ABCA12: variants seen among roughly 807,000 people sequenced by gnomAD.
The protein encoded by ABCA12 is glucosylceramide transporter ABCA12.
A neutral mutation model predicts 293.5 loss-of-function variants in ABCA12; 156 were observed. That is an observed-to-expected ratio of 0.53 (90% CI 0.47 to 0.61). The LOEUF (loss-of-function observed/expected upper bound fraction) is 0.61, where lower values mean the gene tolerates loss of function less well. Ranked by LOEUF, ABCA12 falls within the 20% of genes least tolerant of loss-of-function variation. ABCA12 has a pLI of 0.00. For synonymous variants in ABCA12, 1,063 were observed against 1,108.0 expected (o/e 0.96, Z 0.81); for missense variants, 2,797 against 3,090.2 (o/e 0.91, Z 2.25).
At chr2:215,096,259 T>C (rs978580362) in intron 2 of ABCA12, among the ~76,000 whole-genome samples, 2 of 152,198 alleles carry the variant, frequency 1.3e-5, no homozygotes, top group African/African-American at 4.8e-5. Context: ...TGCTATGAAG[T>C]AGGTTCTTTG....
At chr2:215,133,149 ATTTTTTTTTTTTTTTTTTTTTTTTT>A (rs55641331) in intron 1 of ABCA12, among the ~76,000 whole-genome samples, 2 of 34,832 alleles carry the variant, frequency 5.7e-5, no homozygotes, top group Admixed American at 5.3e-4. Context: ...GCTGGCTTTA[ATTTTTTTTTTTTTTTTTTTTTTTTT>A]TTTTTTTTTT....
chr2:215,000,424 A>G (rs1320547495), intron 22 of ABCA12, among the ~76,000 whole-genome samples: 1 of 152,164 alleles, frequency 6.6e-6, no homozygotes, highest in Non-Finnish European at 1.5e-5. Flanking sequence ...GCAGCAATGT[A>G]CTCAGGTCTG....
chr2:215,034,560 C>T (rs567882660), intron 8 of ABCA12, among the ~76,000 whole-genome samples: 2 of 152,284 alleles, frequency 1.3e-5, no homozygotes, highest in African/African-American at 2.4e-5. Flanking sequence ...CAGTGAGATA[C>T]CTCAGAAGCA....
At chr2:215,020,396 T>A (rs1170678840) in intron 11 of ABCA12, among the ~76,000 whole-genome samples, 1 of 152,126 alleles carries the variant, frequency 6.6e-6, no homozygotes, top group Non-Finnish European at 1.5e-5. Context: ...GATACTATGC[T>A]AAGTGAAATA....
rs368485068 is a variant in ABCA12, at chr2:214,935,784, G to A, written c.7543-1569C>T. Among the ~76,000 whole-genome samples, 36 of 152,154 alleles carry A rather than the reference G, an allele frequency of 2.4e-4. 1 individual carries two copies. The highest frequency in any genetic ancestry group is 9.8e-4 in the Admixed American group (15 of 15,272). ...TGCACTCCAGCCTGGGCAACATAGC[G>A]AGACTCTGTGTCTTAAAAAAAATTT... On this transcript the variant is annotated intron_variant, in intron 51 of 52. Transcript: ENST00000272895.
chr2:214,988,179 G>A lies in ABCA12; in HGVS notation c.3830-386C>T, dbSNP rs555309095. On this transcript the variant is annotated intron_variant, in intron 26 of 52. Transcript: ENST00000272895. ...CCCACAAGGGTCCAAACAGACATGTGTAGACATATTCATCTATGACCAAAA... is the reference window on the plus strand; with the variant it reads ...CCCACAAGGGTCCAAACAGACATGTATAGACATATTCATCTATGACCAAAA... 1.6e-4 allele frequency among the ~76,000 whole-genome samples: 25 copies of A among 152,128 alleles called. 1 individual carries two copies. Among genetic ancestry groups the A allele is most frequent in the Admixed American group, 1.6e-3 (24 of 15,272 alleles).
chr2:215,087,186 C>T (rs1702057718), intron 2 of ABCA12, among the ~76,000 whole-genome samples: 1 of 152,096 alleles, frequency 6.6e-6, no homozygotes, highest in Non-Finnish European at 1.5e-5. Flanking sequence ...AGGTGATGCA[C>T]CCACCTCGGC....
chr2:215,108,337 G>T (rs1559198686), intron 2 of ABCA12, among the ~76,000 whole-genome samples: 2 of 152,036 alleles, frequency 1.3e-5, no homozygotes, highest in South Asian at 4.1e-4. Flanking sequence ...GCAAAGCAGG[G>T]GTGCTTCCAA....
Position 214,932,315 on chromosome 2 carries a change from CTG to C in ABCA12, c.*317_*318del. 3.4e-6 allele frequency: 1 copy of C among 290,234 alleles called. No individual in the cohort carries two copies. Among genetic ancestry groups the C allele is most frequent in the Non-Finnish European group, 6.6e-6 (1 of 151,908 alleles). 18.0% of individuals were successfully genotyped at this position (290,234 alleles called of 1,614,324 possible). On this transcript the variant is annotated 3_prime_UTR_variant, in exon 53 of 53. Coordinates refer to ENST00000272895, the MANE Select transcript of ABCA12 (RefSeq NM_173076.3). ...ACTACCAAAATCCATGCCTTTTAAACTGTCTTTTTATTGAAAGTAATAAATTA... is the reference window on the plus strand; with the variant it reads ...ACTACCAAAATCCATGCCTTTTAAACTCTTTTTATTGAAAGTAATAAATTA...
intron 6 of ABCA12, 81 bp downstream of exon 6, chr2:215,049,545 G>C: frequency 2.2e-6 from 3 of 1,373,436 alleles, no homozygotes; most frequent in Non-Finnish European, 3.1e-6. Context: ...ATCCCAGTCA[G>C]CATTTCCCAG....
intron 1 of ABCA12, among the ~76,000 whole-genome samples, chr2:215,134,218 AT>A (rs1187758890): frequency 6.7e-6 from 1 of 149,702 alleles, no homozygotes; most frequent in Admixed American, 6.7e-5. Context: ...CTCATTTTCT[AT>A]TTTAGCATAT....
intron 1 of ABCA12, among the ~76,000 whole-genome samples, chr2:215,116,993 A>G (rs1168793725): frequency 3.3e-5 from 5 of 152,218 alleles, no homozygotes; most frequent in Non-Finnish European, 7.3e-5. Context: ...CACAGTTCCA[A>G]CAACTGGTGA....
chr2:215,007,203 G>C (rs759135898), intron 19 of ABCA12, among the ~76,000 whole-genome samples: 1 of 152,062 alleles, frequency 6.6e-6, no homozygotes, highest in Non-Finnish European at 1.5e-5. Context: ...TATAACTTTT[G>C]CTTCCTTAAG....
rs186697540 is a variant in ABCA12 at position 215,026,414 on chromosome 2, A to C, written c.1180+406T>G. Among the ~76,000 whole-genome samples, 54 of 152,324 alleles carry C rather than the reference A, an allele frequency of 3.5e-4. 1 individual carries two copies. Among genetic ancestry groups the C allele is most frequent in the Non-Finnish European group, 5.0e-4 (34 of 68,030 alleles). On this transcript the variant is annotated intron_variant, in intron 10 of 52. Transcript: ENST00000272895. The stretch of plus-strand genomic sequence containing the variant: ...CCACAAAAATGCCTTTGTTTATGTA[A>C]TTTACACCCGCTTTTAGAACTCTAT...
intron 11 of ABCA12, 103 bp downstream of exon 11, chr2:215,025,570 A>G: frequency 1.3e-6 from 1 of 767,330 alleles, no homozygotes; most frequent in South Asian, 1.6e-5. Context: ...TTAAAAGTGT[A>G]TCTTGCCAAA....
At chr2:214,977,170 G>A (rs527753405) in intron 33 of ABCA12, among the ~76,000 whole-genome samples, 10 of 152,310 alleles carry the variant, frequency 6.6e-5, no homozygotes, top group African/African-American at 2.4e-4. Context: ...GAAATTATAT[G>A]TGGATGACTT....
At position 215,004,200 on chromosome 2, in the gene ABCA12, T is replaced by C. The variant is rs765558676; in HGVS notation, c.2683+9A>G. 1 of 1,610,468 alleles carries C rather than the reference T, an allele frequency of 6.2e-7. No homozygotes were observed. Among genetic ancestry groups the C allele is most frequent in the Non-Finnish European group, 8.5e-7 (1 of 1,177,142 alleles). On this transcript the variant is annotated intron_variant, in intron 20 of 52. Transcript: ENST00000272895. ...CTCATGAATAAAAGCTTTGTGAATT[T>C]GGACTCACCGAGTTCATCTATCTGT... is the stretch of plus-strand genomic sequence containing the variant.
intron 39 of ABCA12, among the ~76,000 whole-genome samples, chr2:214,966,311 G>A (rs548450874): frequency 4.6e-5 from 7 of 152,224 alleles, no homozygotes; most frequent in South Asian, 2.1e-4. Context: ...TAGGTGATGC[G>A]TTGATATGTG....
intron 38 of ABCA12, among the ~76,000 whole-genome samples, chr2:214,967,936 C>G (rs762340162): frequency 1.3e-5 from 2 of 152,098 alleles, no homozygotes; most frequent in Admixed American, 6.6e-5. Flanking sequence ...GAATATGCAT[C>G]TGATCCCGTG....
Sources: gnomAD v4.1 joint callset for allele counts (sites outside exome capture counted in the v4.1 genomes callset) on GRCh38, gnomAD v4.1.1 for gene constraint, MANE v1.5 for transcripts, NCBI Gene and HGNC (gene_info 2026-07-23, HGNC 2026-07-21) for gene names.